PRKAR2A: variants seen among roughly 807,000 people sequenced by gnomAD.
PRKAR2A encodes the protein protein kinase cAMP-dependent type II regulatory subunit alpha.
PRKAR2A carries 29 observed loss-of-function variants against 51.9 expected under a neutral mutation model. The observed-to-expected ratio is 0.56, with a 90% CI of 0.42 to 0.76. The LOEUF is 0.76. Among genes scored for constraint, PRKAR2A ranks in the 30% least tolerant of loss-of-function variants. The pLI is 0.00. For missense variants in PRKAR2A, 445 were observed against 512.1 expected, an observed-to-expected ratio of 0.87 and a Z score of 1.26; for synonymous variants, 178 against 186.2, an observed-to-expected ratio of 0.96 and a Z score of 0.36.
At chr3:48,792,455 CTTTTTTTTTT>C (rs983032500) in intron 3 of PRKAR2A, among the ~76,000 whole-genome samples, 1 of 66,808 alleles carries the variant, frequency 1.5e-5, no homozygotes, top group Non-Finnish European at 2.8e-5. Context: ...AAGGTTTAAT[CTTTTTTTTTT>C]TTTTTTTTTT....
At chr3:48,792,045 C>T (rs2082397990) in intron 3 of PRKAR2A, among the ~76,000 whole-genome samples, 1 of 150,604 alleles carries the variant, frequency 6.6e-6, no homozygotes, top group Admixed American at 6.6e-5. Context: ...TTTACATTCA[C>T]AAAAATGGTA....
At position 48,751,788 on chromosome 3, in the gene PRKAR2A, A is replaced by C. The variant is rs549004059; in HGVS notation, c.1082-70T>G. 4.5e-6 allele frequency: 7 copies of C among 1,539,622 alleles called. No homozygotes were observed. The East Asian group carries it at 1.6e-4, about 35-fold the overall frequency. ...TTTCCCTCATGCAAACCTTTTCCTA[A>C]ACATACCCATTCATGTTGTATGAGA... On this transcript the variant is annotated intron_variant, in intron 10 of 10. Transcript: ENST00000265563.
intron 1 of PRKAR2A, among the ~76,000 whole-genome samples, chr3:48,811,015 C>T (rs2082762053): frequency 6.6e-6 from 1 of 151,772 alleles, no homozygotes; most frequent in Admixed American, 6.6e-5. Context: ...CGTGTCTTTA[C>T]AAAAAATTTA....
At chr3:48,773,993 CCTGG>C (rs1261649659) in intron 5 of PRKAR2A, among the ~76,000 whole-genome samples, 2 of 151,830 alleles carry the variant, frequency 1.3e-5, no homozygotes, top group East Asian at 1.9e-4. Flanking sequence ...TGCCACCACA[CCTGG>C]CTAATATTTT....
chr3:48,812,775 G>A (rs9683293), intron 1 of PRKAR2A, among the ~76,000 whole-genome samples: 2 of 152,146 alleles, frequency 1.3e-5, no homozygotes, highest in Non-Finnish European at 2.9e-5. Context: ...GAGCCACTGC[G>A]CCTGGCCAGA....
At chr3:48,780,517 G>C (rs893707252) in intron 5 of PRKAR2A, among the ~76,000 whole-genome samples, 1 of 150,560 alleles carries the variant, frequency 6.6e-6, no homozygotes, top group Non-Finnish European at 1.5e-5. Flanking sequence ...GCAGGAGAAT[G>C]GTGTGAACCT....
intron 8 of PRKAR2A, among the ~76,000 whole-genome samples, chr3:48,761,157 C>T (rs2081858387): frequency 6.6e-6 from 1 of 152,036 alleles, no homozygotes; most frequent in African/African-American, 2.4e-5. Flanking sequence ...TGGCGGGCGC[C>T]TGTAGTCCCA....
chr3:48,789,395 T>A (rs2082346133), intron 4 of PRKAR2A, among the ~76,000 whole-genome samples: 1 of 152,182 alleles, frequency 6.6e-6, no homozygotes, highest in African/African-American at 2.4e-5. Flanking sequence ...GCACTGTGGC[T>A]GTAACTTGTG....
intron 2 of PRKAR2A, among the ~76,000 whole-genome samples, chr3:48,797,557 C>T (rs1484132962): frequency 6.6e-6 from 1 of 152,150 alleles, no homozygotes; most frequent in East Asian, 1.9e-4. Context: ...CCATTGTGTC[C>T]TATACCCAGG....
chr3:48,804,696 G>A (rs1201416154), intron 2 of PRKAR2A, among the ~76,000 whole-genome samples: 1 of 152,102 alleles, frequency 6.6e-6, no homozygotes, highest in African/African-American at 2.4e-5. Flanking sequence ...GAGTTGCAAT[G>A]CTTGTCATAC....
At chr3:48,812,618 G>A (rs1414799692) in intron 1 of PRKAR2A, among the ~76,000 whole-genome samples, 2 of 151,994 alleles carry the variant, frequency 1.3e-5, no homozygotes, top group African/African-American at 4.8e-5. Context: ...GAGTAGCTGG[G>A]ACTACAGGCG....
At position 48,748,896 on chromosome 3, in the gene PRKAR2A, T is replaced by C. The variant is rs2081603117; in HGVS notation, c.*2689A>G. On this transcript the variant is annotated 3_prime_UTR_variant, in exon 11 of 11. Coordinates refer to ENST00000265563, the MANE Select transcript of PRKAR2A (RefSeq NM_004157.4). ...AGCTGCCTGTTTTGGAAAGCTGCAATGTAGGCTACAGAGGGCAGTCTGAAA... is the reference window on the plus strand; with the variant it reads ...AGCTGCCTGTTTTGGAAAGCTGCAACGTAGGCTACAGAGGGCAGTCTGAAA... The C allele has an allele frequency of 6.6e-6, 1 of 152,222 alleles. No homozygotes were observed. The highest frequency in any genetic ancestry group is 6.5e-5 in the Admixed American group (1 of 15,280). 9.4% of individuals were successfully genotyped at this position (152,222 alleles called of 1,614,324 possible). A position where few individuals can be genotyped will look rare whatever the true frequency, so the allele number is the denominator to read the frequency against.
At chr3:48,773,269 T>C (rs978314159) in intron 5 of PRKAR2A, among the ~76,000 whole-genome samples, 161 bp from the exon 6 acceptor site, 4 of 152,120 alleles carry the variant, frequency 2.6e-5, no homozygotes, top group African/African-American at 7.2e-5. Flanking sequence ...TTGTACTGTG[T>C]CCTATAACCT....
chr3:48,805,997 A>G (rs2082671656), intron 2 of PRKAR2A, among the ~76,000 whole-genome samples: 1 of 152,206 alleles, frequency 6.6e-6, no homozygotes, highest in African/African-American at 2.4e-5. Context: ...TATCCTACAG[A>G]TGTCAAGGGA....
intron 1 of PRKAR2A, among the ~76,000 whole-genome samples, chr3:48,824,711 G>T (rs1007069782): frequency 1.3e-5 from 2 of 152,104 alleles, no homozygotes; most frequent in African/African-American, 4.8e-5. Flanking sequence ...CTTTGGGAGG[G>T]CGAGGCGGGA....
chr3:48,749,335 C>A lies in PRKAR2A; in HGVS notation c.*2250G>T, dbSNP rs1242938291. The A allele has an allele frequency of 1.3e-5, 2 of 152,056 alleles. No homozygotes were observed. The highest frequency in any genetic ancestry group is 4.8e-5 in the African/African-American group (2 of 41,408). The allele number at this position is 152,056 out of a possible 1,614,324, so 9.4% of individuals were successfully genotyped here. Reference sequence around the variant, plus strand: ...TATTAGGATGATCACTGGAATTCTACCAGATATAAGTAAAAGGCTAAATGG... The same window carrying A: ...TATTAGGATGATCACTGGAATTCTAACAGATATAAGTAAAAGGCTAAATGG... On this transcript the variant is annotated 3_prime_UTR_variant, in exon 11 of 11. Coordinates refer to ENST00000265563, the MANE Select transcript of PRKAR2A (RefSeq NM_004157.4).
At position 48,748,013 on chromosome 3, in the gene PRKAR2A, G is replaced by A. The variant is rs1037388074; in HGVS notation, c.*3572C>T. 1.3e-5 allele frequency: 2 copies of A among 152,028 alleles called. No individual in the cohort carries two copies. The highest frequency in any genetic ancestry group is 4.8e-5 in the African/African-American group (2 of 41,382). The allele number at this position is 152,028 out of a possible 1,614,324, so 9.4% of individuals were successfully genotyped here. On this transcript the variant is annotated 3_prime_UTR_variant, in exon 11 of 11. Coordinates refer to ENST00000265563, the MANE Select transcript of PRKAR2A (RefSeq NM_004157.4). Reference sequence around the variant, plus strand: ...GCTATATCCTATTTCACTCACACACGTCCTTTTAAAGTCTCCCTTCCTCAA... The same window carrying A: ...GCTATATCCTATTTCACTCACACACATCCTTTTAAAGTCTCCCTTCCTCAA...
intron 8 of PRKAR2A, among the ~76,000 whole-genome samples, chr3:48,764,418 T>C (rs908527464): frequency 6.6e-6 from 1 of 152,146 alleles, no homozygotes; most frequent in Admixed American, 6.6e-5. Context: ...CAGGTTCTAA[T>C]AGCAATGGAT....
chr3:48,752,302 C>T lies in PRKAR2A; in HGVS notation c.955G>A (p.Asp319Asn). The T allele has an allele frequency of 1.2e-6, 2 of 1,613,860 alleles. No homozygotes were observed. Among genetic ancestry groups the T allele is most frequent in the Non-Finnish European group, 1.7e-6 (2 of 1,179,928 alleles). ...ATCTCGACCTCCTGGTTCCCACCAT[C>T]CTTGTTTGATTTAGTCTACAGCAGG... ...LIRSRTKSNK[D>N]GGNQEVEIAR... Residue 319 changes from aspartate (D) to asparagine (N), a missense_variant, in exon 10 of 11, where the codon GAT becomes AAT. Transcript: ENST00000265563.
Sources: allele counts gnomAD v4.1 joint callset (sites outside exome capture counted in the v4.1 genomes callset), GRCh38; gene constraint gnomAD v4.1.1; transcripts MANE v1.5; gene names NCBI Gene and HGNC (gene_info 2026-07-23, HGNC 2026-07-21).